The following WWOX variants were observed in gnomAD, a reference collection of about 807,000 sequenced individuals.
WWOX encodes WW domain-containing oxidoreductase.
WWOX carries 69 observed loss-of-function variants against 46.2 expected under a neutral mutation model. The observed-to-expected ratio is 1.49, with a 90% confidence interval of 1.23 to 1.82. WWOX has a LOEUF of 1.82. WWOX is among the 40% of genes most tolerant of loss of function. The pLI is 0.00. For synonymous variants in WWOX, 359 were observed against 202.6 expected (o/e 1.77, Z -6.56); for missense variants, 919 against 542.6 (o/e 1.69, Z -6.89).
At chr16:78,296,433 G>T (rs2079945287) in intron 5 of WWOX, among the ~76,000 whole-genome samples, 2 of 151,632 alleles carry the variant, frequency 1.3e-5, no homozygotes, top group African/African-American at 4.8e-5. Flanking sequence ...ATGGTTTATA[G>T]CATTTATATT....
intron 5 of WWOX, among the ~76,000 whole-genome samples, chr16:78,186,500 A>G (rs925978418): frequency 1.3e-5 from 2 of 152,244 alleles, no homozygotes; most frequent in African/African-American, 4.8e-5. Context: ...GCAGTGCCTC[A>G]TGCCTGTAAT....
chr16:78,180,044 T>A (rs2035479012), intron 5 of WWOX, among the ~76,000 whole-genome samples: 1 of 152,224 alleles, frequency 6.6e-6, no homozygotes. Context: ...TTTTCCTAAG[T>A]ACTGAGCTGT....
intron 8 of WWOX, among the ~76,000 whole-genome samples, chr16:79,127,075 T>C (rs932552692): frequency 2.0e-5 from 3 of 152,132 alleles, no homozygotes; most frequent in Non-Finnish European, 4.4e-5. Context: ...ATAAAATATT[T>C]ATTTTTGAAT....
At chr16:79,067,687 G>C (rs980839068) in intron 8 of WWOX, among the ~76,000 whole-genome samples, 4 of 152,094 alleles carry the variant, frequency 2.6e-5, no homozygotes, top group Non-Finnish European at 5.9e-5. Context: ...GTGCATTTCA[G>C]GTTGGTCTTT....
intron 8 of WWOX, among the ~76,000 whole-genome samples, chr16:78,678,018 A>G (rs1343753788): frequency 6.6e-6 from 1 of 152,144 alleles, no homozygotes; most frequent in East Asian, 1.9e-4. Flanking sequence ...CCGTCCCTGA[A>G]TCTCTACCCT....
chr16:78,218,760 G>A (rs895506838), intron 5 of WWOX, among the ~76,000 whole-genome samples: 2 of 152,246 alleles, frequency 1.3e-5, no homozygotes, highest in Non-Finnish European at 2.9e-5. Flanking sequence ...AGTGTGCGCC[G>A]TGCAGTGTGG....
intron 8 of WWOX, chr16:78,890,681 CA>C (rs2044570710): frequency 6.6e-6 from 1 of 152,228 alleles, no homozygotes; most frequent in Admixed American, 6.5e-5. Context: ...CCTAGACCAG[CA>C]TCTGAGCGTG....
intron 8 of WWOX, among the ~76,000 whole-genome samples, chr16:78,598,340 T>C (rs980864892): frequency 2.0e-5 from 3 of 152,208 alleles, no homozygotes; most frequent in Non-Finnish European, 4.4e-5. Flanking sequence ...TGGGAGGATT[T>C]CAAATGACTG....
intron 8 of WWOX, among the ~76,000 whole-genome samples, chr16:78,444,512 T>C (rs181373236): frequency 6.6e-6 from 1 of 151,748 alleles, no homozygotes; most frequent in Admixed American, 6.6e-5. Context: ...AAGGATACAG[T>C]TATGGGATGA....
chr16:78,781,768 C>G (rs931368308), intron 8 of WWOX, among the ~76,000 whole-genome samples: 24 of 152,070 alleles, frequency 1.6e-4, no homozygotes, highest in Non-Finnish European at 2.4e-4. Context: ...GAGCGAGGCT[C>G]CATCTCAAAT....
intron 8 of WWOX, among the ~76,000 whole-genome samples, chr16:79,091,093 A>C (rs375730959): frequency 6.6e-6 from 1 of 152,154 alleles, no homozygotes. Context: ...AGGCCTAGAA[A>C]GACTGGATTT....
intron 8 of WWOX, among the ~76,000 whole-genome samples, chr16:79,057,420 G>A (rs1597333228): frequency 6.6e-6 from 1 of 152,206 alleles, no homozygotes; most frequent in African/African-American, 2.4e-5. Context: ...TTTTTGCTAA[G>A]CATTAGTTTC....
intron 8 of WWOX, among the ~76,000 whole-genome samples, chr16:78,502,541 A>G (rs1289621012): frequency 1.3e-5 from 2 of 152,240 alleles, no homozygotes; most frequent in Non-Finnish European, 2.9e-5. Context: ...TGGCTAAGTA[A>G]TACGCCATTG....
chr16:78,138,963 A>G (rs1222368618), intron 4 of WWOX, among the ~76,000 whole-genome samples: 1 of 151,266 alleles, frequency 6.6e-6, no homozygotes, highest in East Asian at 1.9e-4. Context: ...GATGCAGACA[A>G]CCCGTTTATA....
In WWOX at chr16:78,126,124, C is replaced by G. The variant is rs116325783; in HGVS notation, c.409+10970C>G. On this transcript the variant is annotated intron_variant, in intron 4 of 8. Transcript: ENST00000566780. ...ACATCTTAAATGGCTGCATAGTATT[C>G]CATTATGTGGTTCCAGCTCTTCTCC... 7.8e-3 allele frequency among the ~76,000 whole-genome samples: 1,194 copies of G among 152,172 alleles called. 24 individuals carry two copies. Among genetic ancestry groups the G allele is most frequent in the African/African-American group, 0.027 (1,101 of 41,498 alleles).
intron 8 of WWOX, among the ~76,000 whole-genome samples, chr16:79,064,659 G>C (rs926980714): frequency 6.6e-6 from 1 of 152,190 alleles, no homozygotes; most frequent in Non-Finnish European, 1.5e-5. Context: ...ACCTCTTCGT[G>C]TTCCTGCAAG....
At chr16:78,894,018 C>G (rs527717424) in intron 8 of WWOX, among the ~76,000 whole-genome samples, 2 of 33,728 alleles carry the variant, frequency 5.9e-5, no homozygotes, top group South Asian at 2.4e-3. Context: ...TTTATTGAGG[C>G]TTTTATTATT....
At chr16:79,128,769 G>C (rs1362598892) in intron 8 of WWOX, among the ~76,000 whole-genome samples, 3 of 152,196 alleles carry the variant, frequency 2.0e-5, no homozygotes, top group Non-Finnish European at 4.4e-5. Context: ...TCTGAAGTCA[G>C]GGATAACAGA....
chr16:78,765,378 A>C (rs2049902771), intron 8 of WWOX, among the ~76,000 whole-genome samples: 1 of 152,136 alleles, frequency 6.6e-6, no homozygotes, highest in Admixed American at 6.5e-5. Context: ...AGGCCCTGAA[A>C]TTTCCACGTA....
Sources: gnomAD v4.1 joint callset for allele counts (sites outside exome capture counted in the v4.1 genomes callset) on GRCh38, gnomAD v4.1.1 for gene constraint, MANE v1.5 for transcripts, NCBI Gene and HGNC (gene_info 2026-07-23, HGNC 2026-07-21) for gene names.